Variants in FAN1 observed in about 807,000 individuals in gnomAD.
The protein encoded by FAN1 is FANCD2 and FANCI associated nuclease 1.
A neutral mutation model predicts 104.9 loss-of-function variants in FAN1; 91 were observed. The observed-to-expected ratio is 0.87, with a 90% CI of 0.73 to 1.03. The LOEUF (loss-of-function observed/expected upper bound fraction) is 1.03, where lower values mean the gene tolerates loss of function less well. FAN1 is among the 50% of genes least tolerant of loss of function. The probability of loss-of-function intolerance (pLI) is 0.00; values close to 1 mark genes in which losing one functional copy is unlikely to be tolerated. For synonymous variants in FAN1, 478 were observed against 457.6 expected, an observed-to-expected ratio of 1.04 and a Z score of -0.57; for missense variants, 1,263 against 1,239.9, an observed-to-expected ratio of 1.02 and a Z score of -0.28.
chr15:30,917,572 C>T (rs1224915178), intron 5 of FAN1, among the ~76,000 whole-genome samples: 2 of 152,162 alleles, frequency 1.3e-5, no homozygotes, highest in East Asian at 1.9e-4. Context: ...AACATGTACT[C>T]AAAGTGTTAA....
In FAN1 at chr15:30,928,237, A is replaced by G. The variant is rs963999065; in HGVS notation, c.2489-316A>G. Reference sequence around the variant, plus strand: ...GGGAACCTGAGGAGGGTATCTGCCTATTTTTCTTTTAAACATGTTTCTTAG... The same window carrying G: ...GGGAACCTGAGGAGGGTATCTGCCTGTTTTTCTTTTAAACATGTTTCTTAG... On this transcript the variant is annotated intron_variant, in intron 10 of 14. Transcript: ENST00000362065. 25 of 1,084,028 alleles carry G rather than the reference A, an allele frequency of 2.3e-5. No homozygotes were observed. The African/African-American group carries it at 3.9e-4, about 17-fold the overall frequency. 67.2% of individuals were successfully genotyped at this position (1,084,028 alleles called of 1,614,324 possible).
chr15:30,904,551 A>T lies in FAN1; in HGVS notation c.-113A>T, dbSNP rs2061925976. ...CGAGACGAATAACATGAGGTCATAT[A>T]GAATCCCACTTTTGGTGATTTCAAG... is the stretch of plus-strand genomic sequence containing the variant. On this transcript the variant is annotated 5_prime_UTR_variant, in exon 2 of 15. It introduces an in-frame stop codon into an upstream open reading frame of the 5' UTR. Transcript: ENST00000362065. The T allele has an allele frequency of 2.0e-6, 2 of 1,010,530 alleles. No homozygotes were observed. Among genetic ancestry groups the T allele is most frequent in the Non-Finnish European group, 3.1e-6 (2 of 641,866 alleles). The allele number at this position is 1,010,530 out of a possible 1,614,324, so 62.6% of individuals were successfully genotyped here.
chr15:30,904,372 G>T (rs139652225), intron 1 of FAN1, 140 bp from the exon 2 acceptor site: 4 of 513,056 alleles, frequency 7.8e-6, no homozygotes, highest in Non-Finnish European at 1.4e-5. Flanking sequence ...AGAGCTTGTC[G>T]GAGGGGCTTG....
intron 4 of FAN1, 162 bp downstream of exon 4, chr15:30,910,977 T>C: frequency 7.5e-7 from 1 of 1,327,814 alleles, no homozygotes; most frequent in Non-Finnish European, 9.6e-7. Flanking sequence ...GATTCTTTCT[T>C]GGGTTATTAT....
At chr15:30,930,481 G>A in intron 12 of FAN1, 62 bp from the exon 13 acceptor site, 2 of 1,537,472 alleles carry the variant, frequency 1.3e-6, no homozygotes, top group Non-Finnish European at 1.7e-6. Flanking sequence ...CGTGATCCCT[G>A]GAGCCTATTT....
rs759383731 is a variant in FAN1, at chr15:30,920,672, GC to G, written c.2052+25del. 3.5e-6 allele frequency: 5 copies of G among 1,422,270 alleles called. No homozygotes were observed. Among genetic ancestry groups the G allele is most frequent in the South Asian group, 2.4e-5 (2 of 82,340 alleles). 88.1% of individuals were successfully genotyped at this position (1,422,270 alleles called of 1,614,324 possible). A position where few individuals can be genotyped will look rare whatever the true frequency, so the allele number is the denominator to read the frequency against. On this transcript the variant is annotated intron_variant, in intron 7 of 14. Coordinates refer to ENST00000362065, the MANE Select transcript of FAN1 (RefSeq NM_014967.5). ...GTATGAGGTTAGAGCACAGGTCCCT[GC>G]CCCCCACCATTACTGATGTGATGGC...
At position 30,928,603 on chromosome 15, in the gene FAN1, T is replaced by A. The variant is rs1379021103; in HGVS notation, c.2539T>A (p.Trp847Arg). The change falls in exon 11 of 15, where the codon TGG becomes AGG. Residue 847 changes from tryptophan (W) to arginine (R), a missense_variant. By Grantham distance (101) the Trp-to-Arg change is moderately radical. Transcript: ENST00000362065. ...CAGCACCCTGTATGGCCTCCTCCTGTGGGACATCATCTTCATGGATGGGAT... is the reference window on the plus strand; with the variant it reads ...CAGCACCCTGTATGGCCTCCTCCTGAGGGACATCATCTTCATGGATGGGAT... ...TFSTLYGLLLWDIIFMDGIPD... is the reference protein window; with the variant it reads ...TFSTLYGLLLRDIIFMDGIPD... 1.9e-6 allele frequency: 3 copies of A among 1,613,094 alleles called. No individual in the cohort carries two copies. In the African/African-American group the frequency reaches 4.0e-5, roughly 22 times the overall value.
At chr15:30,927,137 A>T in intron 10 of FAN1, 1 of 889,912 alleles carries the variant, frequency 1.1e-6, no homozygotes, top group Non-Finnish European at 1.3e-6. Context: ...TGACCCCAGG[A>T]GGTCAAGGCT....
At position 30,941,803 on chromosome 15, in the gene FAN1, C is replaced by G. The variant is rs530080289; in HGVS notation, c.*241C>G. On this transcript the variant is annotated 3_prime_UTR_variant, in exon 15 of 15. Transcript: ENST00000362065. ...TGGAGCCACCCAGGCTGATCTGGGCCTCGGGAACCCAGCGGAAGTAGCACA... is the reference window on the plus strand; with the variant it reads ...TGGAGCCACCCAGGCTGATCTGGGCGTCGGGAACCCAGCGGAAGTAGCACA... The G allele has an allele frequency of 4.3e-6, 7 of 1,614,010 alleles. No individual in the cohort carries two copies. Among genetic ancestry groups the G allele is most frequent in the Admixed American group, 3.3e-5 (2 of 60,026 alleles).
chr15:30,925,589 C>G lies in FAN1; in HGVS notation c.2338-200C>G, dbSNP rs191952332. Among the ~76,000 whole-genome samples the G allele has an allele frequency of 4.6e-3, 703 of 152,306 alleles. 4 individuals carry two copies. Among genetic ancestry groups the G allele is most frequent in the African/African-American group, 0.016 (682 of 41,554 alleles). ...CTCACTGGGGACCTGTAGAGCAGTT[C>G]TGGTGGTTGAGGCTCTCCCAGGGCC... On this transcript the variant is annotated intron_variant, in intron 9 of 14. Coordinates refer to ENST00000362065, the MANE Select transcript of FAN1 (RefSeq NM_014967.5).
chr15:30,917,632 T>C (rs1282437004), intron 5 of FAN1, among the ~76,000 whole-genome samples: 1 of 152,242 alleles, frequency 6.6e-6, no homozygotes, highest in Non-Finnish European at 1.5e-5. Flanking sequence ...AAAGGAGCGA[T>C]GAAAAATTGT....
intron 10 of FAN1, 154 bp from the exon 11 acceptor site, chr15:30,928,399 G>A (rs775140697): frequency 2.0e-5 from 29 of 1,463,588 alleles, no homozygotes; most frequent in Non-Finnish European, 2.6e-5. Flanking sequence ...TGGGAATGGC[G>A]TGAAAACAGC....
chr15:30,935,800 A>G (rs147462432), intron 13 of FAN1, among the ~76,000 whole-genome samples: 321 of 152,324 alleles, frequency 2.1e-3, no homozygotes, highest in African/African-American at 7.4e-3. Context: ...ATATTAGTCT[A>G]CTGTCTTCTA....
At position 30,925,128 on chromosome 15, in the gene FAN1, C is replaced by G; in HGVS notation, c.2174C>G (p.Thr725Ser). The change falls in exon 9 of 15, where the codon ACT (threonine) becomes AGT (serine). Residue 725 changes from threonine to serine, a missense_variant and splice_region_variant. This residue lies in a region of FAN1 where 581 missense variants were observed against 668.8 expected (regional missense o/e 0.87). Transcript: ENST00000362065. ...ATGTGTGACCATGCTCTCTGCCAGA[C>G]TATCAAGTGCATCACAGAGGGGCTG... ...LHQHLKRLEP[T>S]IKCITEGLAD... 3 of 1,612,412 alleles carry G rather than the reference C, an allele frequency of 1.9e-6. No individual in the cohort carries two copies. Among genetic ancestry groups the G allele is most frequent in the Non-Finnish European group, 1.7e-6 (2 of 1,179,020 alleles).
intron 14 of FAN1, chr15:30,941,141 C>A: frequency 7.8e-7 from 1 of 1,286,216 alleles, no homozygotes; most frequent in Non-Finnish European, 1.0e-6. Flanking sequence ...CTGCCTGGGG[C>A]TGCTAATGTG....
intron 14 of FAN1, chr15:30,939,916 A>T: frequency 1.0e-6 from 1 of 985,420 alleles, no homozygotes; most frequent in Non-Finnish European, 1.2e-6. Flanking sequence ...GTTTACCCAT[A>T]AAGTGAATTT....
intron 3 of FAN1, 34 bp from the exon 4 acceptor site, chr15:30,910,580 A>C: frequency 7.0e-7 from 1 of 1,424,866 alleles, no homozygotes; most frequent in South Asian, 1.4e-5. Flanking sequence ...AAAATAGTAA[A>C]ATTTAAAAAA....
intron 14 of FAN1, chr15:30,940,999 G>GGTGA (rs2063028031): frequency 2.2e-5 from 25 of 1,159,296 alleles, no homozygotes; most frequent in Non-Finnish European, 2.7e-5. Flanking sequence ...ACCTTCATCA[G>GGTGA]GTGAGTTCAA....
intron 8 of FAN1, among the ~76,000 whole-genome samples, chr15:30,924,031 A>G (rs2062398995): frequency 6.6e-6 from 1 of 152,148 alleles, no homozygotes; most frequent in South Asian, 2.1e-4. Flanking sequence ...ACGACGTCTC[A>G]TCTACTTTTT....
Sources: gnomAD v4.1 joint callset for allele counts (sites outside exome capture counted in the v4.1 genomes callset) on GRCh38, gnomAD v4.1.1 for gene constraint, gnomAD v4.1.1 regional missense constraint, MANE v1.5 for transcripts, NCBI Gene and HGNC (gene_info 2026-07-23, HGNC 2026-07-21) for gene names.